HSBP1L1: variants seen among roughly 807,000 people sequenced by gnomAD.
HSBP1L1 encodes heat shock factor binding protein 1 like 1.
In HSBP1L1, 8 loss-of-function variants were observed where a neutral mutation model predicts 9.7. The ratio of observed to expected loss-of-function variants is 0.82; its 90% CI spans 0.48 to 1.48. The LOEUF is 1.48. Ranked by LOEUF, HSBP1L1 falls within the 40% of genes most tolerant of loss-of-function variation. The pLI, the probability that HSBP1L1 is intolerant of heterozygous loss-of-function variation, is 0.00. For missense variants in HSBP1L1, 106 were observed against 95.8 expected (o/e 1.11, Z -0.44); for synonymous variants, 39 against 34.4 (o/e 1.13, Z -0.46).
At chr18:79,969,420 C>T (rs994786974) in intron 3 of HSBP1L1, among the ~76,000 whole-genome samples, 4 of 151,490 alleles carry the variant, frequency 2.6e-5, no homozygotes, top group South Asian at 2.1e-4. Context: ...ATAGCGCCCA[C>T]GTTGAGCAGG....
intron 3 of HSBP1L1, 186 bp from the exon 4 acceptor site, chr18:79,970,254 A>C (rs2051288019): frequency 5.6e-6 from 3 of 539,654 alleles, no homozygotes; most frequent in Non-Finnish European, 3.4e-6. Context: ...CAAAGCACTT[A>C]AGTCAGGGCA....
rs890315788 is a variant in HSBP1L1, at chr18:79,970,691, G to A, written c.*240G>A. 2.0e-6 allele frequency: 1 copy of A among 498,660 alleles called. No individual in the cohort carries two copies. The highest frequency in any genetic ancestry group is 1.9e-5 in the African/African-American group (1 of 52,624). The allele number at this position is 498,660 out of a possible 1,614,324, so 30.9% of individuals were successfully genotyped here. ...TCTGGGACTTCCAGAAAACAGAACT[G>A]TGAAAAGACAAGTTTCTGTTGTTTA... On this transcript the variant is annotated 3_prime_UTR_variant, in exon 4 of 4. Transcript: ENST00000451882.
chr18:79,965,433 T>C (rs1286660512), intron 1 of HSBP1L1, among the ~76,000 whole-genome samples: 1 of 152,080 alleles, frequency 6.6e-6, no homozygotes, highest in Non-Finnish European at 1.5e-5. Context: ...ATTCACACCA[T>C]GGTACGTGGG....
At chr18:79,967,147 C>CAAAAAAAAAAAAAAAA (rs5826682) in intron 2 of HSBP1L1, among the ~76,000 whole-genome samples, 6 of 105,196 alleles carry the variant, frequency 5.7e-5, no homozygotes, top group African/African-American at 2.2e-4. Context: ...GACTCCGTCT[C>CAAAAAAAAAAAAAAAA]AAAAAAAAAA....
intron 1 of HSBP1L1, 147 bp from the exon 2 acceptor site, chr18:79,966,465 T>A (rs777792167): frequency 1.5e-4 from 88 of 583,632 alleles, no homozygotes; most frequent in Non-Finnish European, 2.4e-4. Flanking sequence ...ATCACTTGAA[T>A]CCAGGAGGCG....
rs964171371 is a variant in HSBP1L1, at chr18:79,964,698, A to G, written c.-38A>G. ...ACCTCGCGCCGGGTCCGCGCGGCCC[A>G]CGGGACCCCCCACTGACGCCCCCGG... On this transcript the variant is annotated 5_prime_UTR_variant, in exon 1 of 4. Transcript: ENST00000451882. 3 of 1,306,872 alleles carry G rather than the reference A, an allele frequency of 2.3e-6. No individual in the cohort carries two copies. Among genetic ancestry groups the G allele is most frequent in the Non-Finnish European group, 3.0e-6 (3 of 989,454 alleles). The allele number at this position is 1,306,872 out of a possible 1,614,324, so 81.0% of individuals were successfully genotyped here. A position where few individuals can be genotyped will look rare whatever the true frequency, so the allele number is the denominator to read the frequency against.
At chr18:79,966,746 TTTG>T in intron 2 of HSBP1L1, 68 bp downstream of exon 2, 1 of 1,163,474 alleles carries the variant, frequency 8.6e-7, no homozygotes, top group Non-Finnish European at 1.2e-6. Flanking sequence ...GGAGTATCTT[TTTG>T]TTGTCTGGTA....
chr18:79,969,387 G>T (rs1339898486), intron 3 of HSBP1L1, among the ~76,000 whole-genome samples: 1 of 69,150 alleles, frequency 1.4e-5, no homozygotes, highest in African/African-American at 4.1e-5. Flanking sequence ...AAGAAAGAAA[G>T]AAAGAAAAAA....
In HSBP1L1 at chr18:79,966,759, A is replaced by G. The variant is rs977909074; in HGVS notation, c.118+81A>G. ...ATGGAGTATCTTTTTGTTGTCTGGT[A>G]GTAGTAGGTAATAGTTTACTTAGGA... On this transcript the variant is annotated intron_variant, in intron 2 of 3. Transcript: ENST00000451882. The G allele has an allele frequency of 1.4e-5, 14 of 998,626 alleles. No individual in the cohort carries two copies. The East Asian group carries it at 3.4e-4, about 24-fold the overall frequency. 61.9% of individuals were successfully genotyped at this position (998,626 alleles called of 1,614,324 possible).
intron 2 of HSBP1L1, 114 bp downstream of exon 2, chr18:79,966,792 G>A: frequency 1.3e-6 from 1 of 785,886 alleles, no homozygotes; most frequent in Non-Finnish European, 2.1e-6. Context: ...GGATTTCCCA[G>A]TATTTACTTC....
intron 3 of HSBP1L1, among the ~76,000 whole-genome samples, chr18:79,969,320 A>G (rs2051277711): frequency 6.0e-5 from 7 of 116,622 alleles, no homozygotes; most frequent in Non-Finnish European, 1.2e-4. Context: ...AAGGAAAGAA[A>G]GAAAGAAAGA....
intron 1 of HSBP1L1, among the ~76,000 whole-genome samples, chr18:79,965,778 AG>A (rs1448610339): frequency 6.6e-6 from 1 of 152,056 alleles, no homozygotes; most frequent in Non-Finnish European, 1.5e-5. Flanking sequence ...TGGTGTGAGG[AG>A]GGGGATGGGT....
In HSBP1L1 at chr18:79,966,514, G is replaced by A. The variant is rs1159379483; in HGVS notation, c.52-98G>A. 5.9e-6 allele frequency: 5 copies of A among 845,856 alleles called. No individual in the cohort carries two copies. The East Asian group carries it at 1.4e-4, about 23-fold the overall frequency. The allele number at this position is 845,856 out of a possible 1,614,324, so 52.4% of individuals were successfully genotyped here. A position where few individuals can be genotyped will look rare whatever the true frequency, so the allele number is the denominator to read the frequency against. On this transcript the variant is annotated intron_variant, in intron 1 of 3. Transcript: ENST00000451882. ...GCTGAGATCGCGCCATTGCACTCCA[G>A]CCTGGGCAACAAAACAAGACTTCAT...
chr18:79,965,725 T>C (rs557904270), intron 1 of HSBP1L1, among the ~76,000 whole-genome samples: 11 of 152,298 alleles, frequency 7.2e-5, no homozygotes, highest in Non-Finnish European at 1.3e-4. Context: ...TTTATGGCCT[T>C]GGCTCTGGGC....
In HSBP1L1 at chr18:79,970,528, T is replaced by C. The variant is rs1161800134; in HGVS notation, c.*77T>C. Reference sequence around the variant, plus strand: ...TACATCGGTCCTGAGGGTGGGGCCCTCATCCAACAGGATTCGTCTTTCTGA... The same window carrying C: ...TACATCGGTCCTGAGGGTGGGGCCCCCATCCAACAGGATTCGTCTTTCTGA... On this transcript the variant is annotated 3_prime_UTR_variant, in exon 4 of 4. Transcript: ENST00000451882. The C allele has an allele frequency of 1.4e-6, 1 of 716,750 alleles. No individual in the cohort carries two copies. Among genetic ancestry groups the C allele is most frequent in the Non-Finnish European group, 2.6e-6 (1 of 383,840 alleles). The allele number at this position is 716,750 out of a possible 1,614,324, so 44.4% of individuals were successfully genotyped here. A position where few individuals can be genotyped will look rare whatever the true frequency, so the allele number is the denominator to read the frequency against.
intron 1 of HSBP1L1, 147 bp from the exon 2 acceptor site, chr18:79,966,465 T>C: frequency 1.7e-6 from 1 of 583,750 alleles, no homozygotes; most frequent in Non-Finnish European, 3.1e-6. Flanking sequence ...ATCACTTGAA[T>C]CCAGGAGGCG....
intron 1 of HSBP1L1, among the ~76,000 whole-genome samples, chr18:79,965,797 C>A (rs750779994): frequency 3.3e-5 from 5 of 152,150 alleles, no homozygotes; most frequent in Non-Finnish European, 7.3e-5. Flanking sequence ...GGTCCCTGCC[C>A]CGTCTGCACG....
intron 1 of HSBP1L1, 55 bp from the exon 2 acceptor site, chr18:79,966,557 A>T: frequency 7.6e-7 from 1 of 1,324,082 alleles, no homozygotes; most frequent in Non-Finnish European, 1.0e-6. Context: ...AAAAAAAAAA[A>T]CTCATATGCC....
rs2051274199 is a variant in HSBP1L1, at chr18:79,969,230, AGAGAGGAGAGAGAGGAGAG to A, written c.213+1053_213+1071del. Among the ~76,000 whole-genome samples, 11 of 86,684 alleles carry A rather than the reference AGAGAGGAGAGAGAGGAGAG, an allele frequency of 1.3e-4. 1 individual carries two copies. The South Asian group carries it at 7.4e-3, about 58-fold the overall frequency. The allele number at this position is 86,684 out of a possible 152,430, so 56.9% of individuals were successfully genotyped here. On this transcript the variant is annotated intron_variant, in intron 3 of 3. Transcript: ENST00000451882. ...AAAGAAAGAAAGAAAGAAAGAGGAGAGAGAGGAGAGAGAGGAGAGGAGAGAGAGAGAGGGAGGGAGGGAG... is the reference window on the plus strand; with the variant it reads ...AAAGAAAGAAAGAAAGAAAGAGGAGAGAGAGAGAGAGAGGGAGGGAGGGAG...
Sources: gnomAD v4.1 joint callset for allele counts (sites outside exome capture counted in the v4.1 genomes callset) on GRCh38, gnomAD v4.1.1 for gene constraint, MANE v1.5 for transcripts, NCBI Gene and HGNC (gene_info 2026-07-23, HGNC 2026-07-21) for gene names.